The following GALNT17 variants were observed in gnomAD, a reference collection of about 807,000 sequenced individuals.
GALNT17 encodes the protein UDP-GalNAc:polypeptide N-acetylgalactosaminyltransferase-like 3.
GALNT17 carries 29 observed loss-of-function variants against 63.7 expected under a neutral mutation model. That is an observed-to-expected ratio of 0.46 (90% CI 0.34 to 0.62). GALNT17 has a LOEUF of 0.62. Among genes scored for constraint, GALNT17 ranks in the 20% least tolerant of loss-of-function variants. GALNT17 has a pLI of 0.01. For missense variants in GALNT17, 603 were observed against 799.6 expected (o/e 0.75, Z 2.97); for synonymous variants, 305 against 318.3 (o/e 0.96, Z 0.45).
At chr7:71,484,106 T>C (rs1787868027) in intron 5 of GALNT17, among the ~76,000 whole-genome samples, 1 of 152,200 alleles carries the variant, frequency 6.6e-6, no homozygotes, top group Non-Finnish European at 1.5e-5. Context: ...ACTTTTTGTA[T>C]AAATAGAAGG....
At chr7:71,429,494 G>A (rs1786820975) in intron 5 of GALNT17, among the ~76,000 whole-genome samples, 2 of 152,150 alleles carry the variant, frequency 1.3e-5, no homozygotes, top group African/African-American at 4.8e-5. Context: ...CTATTTCAAG[G>A]TGCAAAGAAT....
At chr7:71,377,325 A>G (rs923467351) in intron 2 of GALNT17, among the ~76,000 whole-genome samples, 1 of 42,048 alleles carries the variant, frequency 2.4e-5, no homozygotes, top group African/African-American at 1.5e-4. Flanking sequence ...TTTCCCAGGT[A>G]GCCGTGGAGC....
At chr7:71,183,152 T>A (rs1788766265) in intron 1 of GALNT17, among the ~76,000 whole-genome samples, 1 of 151,944 alleles carries the variant, frequency 6.6e-6, no homozygotes, top group Non-Finnish European at 1.5e-5. Context: ...GAGATGAGAG[T>A]GACCCGGTTG....
At chr7:71,196,715 G>A (rs1789056329) in intron 1 of GALNT17, among the ~76,000 whole-genome samples, 1 of 151,932 alleles carries the variant, frequency 6.6e-6, no homozygotes, top group African/African-American at 2.4e-5. Flanking sequence ...CTTGGTTCAA[G>A]TGATCTTGGT....
At chr7:71,239,309 A>G (rs1583788695) in intron 1 of GALNT17, among the ~76,000 whole-genome samples, 1 of 150,000 alleles carries the variant, frequency 6.7e-6, no homozygotes, top group East Asian at 2.1e-4. Context: ...CCCCCCAAAA[A>G]AAAATAAATA....
At chr7:71,575,007 C>T (rs1390184480) in intron 6 of GALNT17, among the ~76,000 whole-genome samples, 2 of 152,146 alleles carry the variant, frequency 1.3e-5, no homozygotes, top group Non-Finnish European at 2.9e-5. Flanking sequence ...CCTGTAGGCA[C>T]CAACATCTAC....
intron 1 of GALNT17, among the ~76,000 whole-genome samples, chr7:71,223,517 C>T (rs767171168): frequency 6.3e-4 from 95 of 151,658 alleles, no homozygotes; most frequent in Non-Finnish European, 1.1e-3. Flanking sequence ...CCCATAATCC[C>T]AACTTTTTTT....
intron 9 of GALNT17, among the ~76,000 whole-genome samples, chr7:71,699,251 C>T (rs571462789): frequency 4.7e-5 from 7 of 150,458 alleles, no homozygotes; most frequent in African/African-American, 1.2e-4. Flanking sequence ...AGGCCGAGGC[C>T]GGTGGATCAC....
chr7:71,393,120 G>T (rs999444335), intron 3 of GALNT17, among the ~76,000 whole-genome samples: 2 of 151,898 alleles, frequency 1.3e-5, no homozygotes, highest in Non-Finnish European at 2.9e-5. Flanking sequence ...GTATCTTGTT[G>T]TCAGTTTCTT....
At chr7:71,518,488 CTG>C (rs758761714) in intron 5 of GALNT17, among the ~76,000 whole-genome samples, 2 of 152,170 alleles carry the variant, frequency 1.3e-5, no homozygotes, top group Admixed American at 6.5e-5. Context: ...CCTGGATAAA[CTG>C]TGCGATTTAA....
intron 2 of GALNT17, among the ~76,000 whole-genome samples, chr7:71,379,159 G>A (rs1043693801): frequency 2.0e-5 from 3 of 152,154 alleles, no homozygotes; most frequent in Non-Finnish European, 4.4e-5. Context: ...GAAGGCTAGG[G>A]CTGGAGACCA....
chr7:71,388,816 C>A (rs1032293284), intron 3 of GALNT17, among the ~76,000 whole-genome samples: 1 of 152,086 alleles, frequency 6.6e-6, no homozygotes, highest in Non-Finnish European at 1.5e-5. Context: ...AGTGTGCCAC[C>A]GTGCCCGGCC....
chr7:71,594,051 A>G (rs184889949), intron 6 of GALNT17, among the ~76,000 whole-genome samples: 52 of 151,950 alleles, frequency 3.4e-4, no homozygotes, highest in African/African-American at 1.3e-3. Context: ...GCTCTTGTTG[A>G]CACACATCAA....
chr7:71,397,943 TG>T (rs1793169298), intron 3 of GALNT17, among the ~76,000 whole-genome samples: 1 of 7,492 alleles, frequency 1.3e-4, no homozygotes, highest in Non-Finnish European at 5.0e-4. Flanking sequence ...TTATTGTCTT[TG>T]TTGTTGTTGT....
At chr7:71,710,247 T>C (rs1791773575) in intron 9 of GALNT17, among the ~76,000 whole-genome samples, 2 of 152,140 alleles carry the variant, frequency 1.3e-5, no homozygotes, top group Admixed American at 1.3e-4. Context: ...CCGTGGCTCA[T>C]GCCTGTAATC....
chr7:71,396,529 T>A lies in GALNT17; in HGVS notation c.589+8128T>A, dbSNP rs147222730. On this transcript the variant is annotated intron_variant, in intron 3 of 10. Coordinates refer to ENST00000333538, the MANE Select transcript of GALNT17 (RefSeq NM_022479.3). ...TGTCTTGATAACTTTTTCTTTATAGTAAATTTTAAAAGTGGGAAGTGTGAG... is the reference window on the plus strand; with the variant it reads ...TGTCTTGATAACTTTTTCTTTATAGAAAATTTTAAAAGTGGGAAGTGTGAG... 7.3e-3 allele frequency among the ~76,000 whole-genome samples: 1,108 copies of A among 152,286 alleles called. 13 individuals are homozygous for A. Among genetic ancestry groups the A allele is most frequent in the African/African-American group, 0.025 (1,053 of 41,564 alleles).
intron 5 of GALNT17, among the ~76,000 whole-genome samples, chr7:71,543,626 G>T (rs1468491558): frequency 6.6e-6 from 1 of 151,708 alleles, no homozygotes; most frequent in Non-Finnish European, 1.5e-5. Flanking sequence ...AAATCCTGTT[G>T]GCCATATTGA....
At position 71,431,204 on chromosome 7, in the gene GALNT17, C is replaced by CTTTCTT. The variant is rs1563087533; in HGVS notation, c.962+10102_962+10103insCTTTTT. On this transcript the variant is annotated intron_variant, in intron 5 of 10. Transcript: ENST00000333538. ...CCCTATGAGTATTTTTTTTTCTTTT[C>CTTTCTT]TTTTCTTTTTTTTTTTTTTTTTTTT... 4.4e-5 allele frequency among the ~76,000 whole-genome samples: 6 copies of CTTTCTT among 136,364 alleles called. 2 individuals are homozygous for CTTTCTT. Among genetic ancestry groups the CTTTCTT allele is most frequent in the Admixed American group, 1.6e-4 (2 of 12,738 alleles). The allele number at this position is 136,364 out of a possible 152,430, so 89.5% of individuals were successfully genotyped here.
chr7:71,707,374 G>GATTCTTAAACAATAT (rs533407758), intron 9 of GALNT17, among the ~76,000 whole-genome samples: 13 of 152,218 alleles, frequency 8.5e-5, no homozygotes, highest in Admixed American at 8.5e-4. Flanking sequence ...TTTGGAATAT[G>GATTCTTAAACAATAT]ATTCTTAAAC....
Sources: allele counts gnomAD v4.1 joint callset (sites outside exome capture counted in the v4.1 genomes callset), GRCh38; gene constraint gnomAD v4.1.1; transcripts MANE v1.5; gene names NCBI Gene and HGNC (gene_info 2026-07-23, HGNC 2026-07-21).